TMEM74: variants seen among roughly 807,000 people sequenced by gnomAD.
TMEM74 encodes the protein transmembrane protein 74.
Under a neutral mutation model 18.1 loss-of-function variants are expected in TMEM74, and 13 were observed. The ratio of observed to expected loss-of-function variants is 0.72; its 90% CI spans 0.47 to 1.14. The LOEUF (loss-of-function observed/expected upper bound fraction) is 1.14. Ranked by LOEUF, TMEM74 falls within the 50% of genes most tolerant of loss-of-function variation. TMEM74 has a pLI of 0.00. For missense variants in TMEM74, 372 were observed against 375.9 expected (o/e 0.99, Z 0.09); for synonymous variants, 159 against 146.6 (o/e 1.08, Z -0.61).
chr8:108,655,058 T>C (rs1382009175), intron 2 of TMEM74, among the ~76,000 whole-genome samples: 4 of 152,150 alleles, frequency 2.6e-5, no homozygotes, highest in Admixed American at 2.6e-4. Context: ...TCCTTTGACC[T>C]AACATATCTT....
chr8:108,625,699 A>C (rs906074389), intron 2 of TMEM74, among the ~76,000 whole-genome samples: 1 of 151,986 alleles, frequency 6.6e-6, no homozygotes, highest in African/African-American at 2.4e-5. Context: ...GTTGCCCACT[A>C]TGCAAAATAA....
At chr8:108,714,778 G>C (rs62509388) in intron 1 of TMEM74, among the ~76,000 whole-genome samples, 32,691 of 152,030 alleles carry the variant, frequency 0.22, 4,012 homozygotes, top group Non-Finnish European at 0.28. Context: ...CTCAACCCAG[G>C]TGCCCATCAA....
At chr8:108,688,030 T>C (rs896294437) in intron 1 of TMEM74, among the ~76,000 whole-genome samples, 9 of 152,182 alleles carry the variant, frequency 5.9e-5, no homozygotes, top group Non-Finnish European at 1.2e-4. Flanking sequence ...AAAATATAAA[T>C]GACTAGCATA....
At chr8:108,647,070 G>A (rs939164335) in intron 2 of TMEM74, among the ~76,000 whole-genome samples, 6 of 151,952 alleles carry the variant, frequency 3.9e-5, no homozygotes, top group Non-Finnish European at 5.9e-5. Flanking sequence ...AATTCCACTG[G>A]CAATTTGGAG....
chr8:108,756,632 AAGGAAGG>A (rs1195996615), intron 1 of TMEM74, among the ~76,000 whole-genome samples: 23 of 93,234 alleles, frequency 2.5e-4, no homozygotes, highest in African/African-American at 1.0e-3. Flanking sequence ...GGAAGGAAGG[AAGGAAGG>A]AAGAAAGAAA....
At chr8:108,747,752 TC>T (rs1031627561) in intron 1 of TMEM74, among the ~76,000 whole-genome samples, 2 of 149,742 alleles carry the variant, frequency 1.3e-5, no homozygotes, top group Non-Finnish European at 1.5e-5. Flanking sequence ...GTCTGTTGTT[TC>T]CCCCCTGTGT....
chr8:108,649,534 A>G (rs1188690531), intron 2 of TMEM74, among the ~76,000 whole-genome samples: 1 of 152,202 alleles, frequency 6.6e-6, no homozygotes, highest in Non-Finnish European at 1.5e-5. Context: ...ACAAATGCCA[A>G]AATTGAGATT....
downstream of TMEM74, among the ~76,000 whole-genome samples, chr8:108,778,459 G>A (rs553621241): frequency 2.6e-5 from 4 of 152,234 alleles, no homozygotes; most frequent in African/African-American, 4.8e-5. Flanking sequence ...AGCTTATTCC[G>A]AATGATCAGA....
intron 1 of TMEM74, among the ~76,000 whole-genome samples, chr8:108,737,107 A>G (rs965936360): frequency 2.6e-5 from 4 of 152,168 alleles, no homozygotes; most frequent in African/African-American, 9.6e-5. Flanking sequence ...AGGCAGGATC[A>G]TGTAGGTGAA....
chr8:108,675,192 T>C (rs915391228), intron 1 of TMEM74, among the ~76,000 whole-genome samples: 1 of 152,212 alleles, frequency 6.6e-6, no homozygotes, highest in Non-Finnish European at 1.5e-5. Flanking sequence ...TATCCTTCAT[T>C]GACTACCTTT....
At chr8:108,770,643 G>C (rs1308017234) in intron 1 of TMEM74, among the ~76,000 whole-genome samples, 1 of 152,144 alleles carries the variant, frequency 6.6e-6, no homozygotes, top group Non-Finnish European at 1.5e-5. Context: ...GCTTATTCAA[G>C]TCTGAGAAGA....
chr8:108,626,079 G>T (rs764291225), intron 2 of TMEM74, among the ~76,000 whole-genome samples: 1 of 151,900 alleles, frequency 6.6e-6, no homozygotes, highest in Non-Finnish European at 1.5e-5. Flanking sequence ...TCTCATTCAG[G>T]CTTCTTAGTT....
At chr8:108,621,366 A>G (rs958547039) in intron 2 of TMEM74, among the ~76,000 whole-genome samples, 8 of 152,078 alleles carry the variant, frequency 5.3e-5, no homozygotes, top group East Asian at 1.9e-4. Context: ...TTGACCTGAG[A>G]GCTTTTAAGT....
At chr8:108,674,896 C>T (rs1813038715) in intron 1 of TMEM74, among the ~76,000 whole-genome samples, 2 of 152,160 alleles carry the variant, frequency 1.3e-5, no homozygotes, top group Admixed American at 1.3e-4. Context: ...TGACCCATGT[C>T]ACTCAAATAT....
chr8:108,778,909 A>C (rs767759563), downstream of TMEM74, among the ~76,000 whole-genome samples: 12 of 152,180 alleles, frequency 7.9e-5, no homozygotes, highest in Non-Finnish European at 1.5e-4. Context: ...CTATAAAACA[A>C]CAAAAAATAA....
At chr8:108,742,453 G>A (rs77674813) in intron 1 of TMEM74, among the ~76,000 whole-genome samples, 7,500 of 152,182 alleles carry the variant, frequency 0.049, 481 homozygotes, top group African/African-American at 0.15. Flanking sequence ...TTAGATTCCT[G>A]TTTTATACGA....
intron 1 of TMEM74, among the ~76,000 whole-genome samples, chr8:108,715,424 C>T (rs1479060556): frequency 3.3e-5 from 5 of 150,062 alleles, no homozygotes; most frequent in Non-Finnish European, 4.4e-5. Flanking sequence ...AAAATAGAAG[C>T]GGAAAAAGAA....
chr8:108,735,538 C>G (rs753946796), intron 1 of TMEM74, among the ~76,000 whole-genome samples: 2 of 152,120 alleles, frequency 1.3e-5, no homozygotes, highest in Non-Finnish European at 2.9e-5. Context: ...ATGTATCAGT[C>G]CTTCATTCCT....
intron 2 of TMEM74, among the ~76,000 whole-genome samples, chr8:108,636,502 T>G (rs1348516189): frequency 6.6e-6 from 1 of 152,098 alleles, no homozygotes; most frequent in Non-Finnish European, 1.5e-5. Context: ...GTTCTCCATT[T>G]GGAATCAGCT....
Sources: allele counts gnomAD v4.1 joint callset (sites outside exome capture counted in the v4.1 genomes callset), GRCh38; gene constraint gnomAD v4.1.1; transcripts MANE v1.5; gene names NCBI Gene and HGNC (gene_info 2026-07-23, HGNC 2026-07-21).